PPP6R3: variants seen among roughly 807,000 people sequenced by gnomAD.
PPP6R3 encodes the protein protein phosphatase 6 regulatory subunit 3.
PPP6R3 carries 38 observed loss-of-function variants against 110.7 expected under a neutral mutation model. The ratio of observed to expected loss-of-function variants is 0.34; its 90% CI spans 0.26 to 0.45. PPP6R3 has a LOEUF of 0.45. Ranked by LOEUF, PPP6R3 falls within the 20% of genes least tolerant of loss-of-function variation. The pLI, the probability that PPP6R3 is intolerant of heterozygous loss-of-function variation, is 1.00. For synonymous variants in PPP6R3, 369 were observed against 373.5 expected (o/e 0.99, Z 0.14); for missense variants, 870 against 1,062.4 (o/e 0.82, Z 2.52).
At chr11:68,470,184 C>A (rs1328880043) in intron 1 of PPP6R3, among the ~76,000 whole-genome samples, 5 of 152,132 alleles carry the variant, frequency 3.3e-5, no homozygotes, top group African/African-American at 7.2e-5. Flanking sequence ...ATGAAAGATA[C>A]AGTAGCCATA....
chr11:68,611,583 C>T (rs1943418936), intron 23 of PPP6R3, among the ~76,000 whole-genome samples: 1 of 152,150 alleles, frequency 6.6e-6, no homozygotes, highest in African/African-American at 2.4e-5. Context: ...TTTCCTCTGA[C>T]ACACGTTTGT....
chr11:68,554,205 T>A lies in PPP6R3; in HGVS notation c.679T>A (p.Leu227Ile). ...EIVRLSRDQM[L>I]QIQNSTEPDP... ...TGTTCGCCTGAGCAGAGACCAGATG[T>A]TACAAATTCAGAACAGTACAGAGCC... Residue 227 changes from leucine to isoleucine, a missense_variant, in exon 7 of 24, where the codon TTA (leucine) becomes ATA (isoleucine). Leu to Ile is a conservative substitution (Grantham distance 5). Coordinates refer to ENST00000393800, the MANE Select transcript of PPP6R3 (RefSeq NM_001164161.2). The A allele has an allele frequency of 6.2e-7, 1 of 1,614,012 alleles. No individual in the cohort carries two copies. Among genetic ancestry groups the A allele is most frequent in the Non-Finnish European group, 8.5e-7 (1 of 1,179,930 alleles).
chr11:68,468,738 ATG>A (rs2098767094), intron 1 of PPP6R3, among the ~76,000 whole-genome samples: 1 of 152,238 alleles, frequency 6.6e-6, no homozygotes, highest in African/African-American at 2.4e-5. Context: ...TATGTTATAT[ATG>A]TTTTAATGTA....
intron 1 of PPP6R3, among the ~76,000 whole-genome samples, chr11:68,495,374 C>T (rs141148027): frequency 3.3e-5 from 5 of 152,204 alleles, no homozygotes; most frequent in Admixed American, 1.3e-4. Flanking sequence ...ACCCACTTAA[C>T]GCATACAAGT....
chr11:68,538,054 T>TTAA (rs397700502), intron 3 of PPP6R3, among the ~76,000 whole-genome samples, 163 bp downstream of exon 3: 16 of 23,842 alleles, frequency 6.7e-4, no homozygotes, highest in African/African-American at 1.3e-3. Context: ...ATTCTAGCAG[T>TTAA]AAGTCCAGGG....
At chr11:68,582,648 G>C (rs1040001461) in intron 14 of PPP6R3, among the ~76,000 whole-genome samples, 2 of 152,280 alleles carry the variant, frequency 1.3e-5, no homozygotes, top group African/African-American at 4.8e-5. Flanking sequence ...CCTGGGGATT[G>C]CAGTTGGACC....
intron 18 of PPP6R3, among the ~76,000 whole-genome samples, chr11:68,593,169 C>A (rs1477363035): frequency 6.6e-6 from 1 of 151,906 alleles, no homozygotes; most frequent in Non-Finnish European, 1.5e-5. Context: ...TTCTCATGAT[C>A]TTTTGTAATA....
intron 2 of PPP6R3, among the ~76,000 whole-genome samples, chr11:68,521,158 T>G (rs757020940): frequency 7.9e-5 from 12 of 152,224 alleles, no homozygotes; most frequent in Non-Finnish European, 1.5e-4. Context: ...CAAACCACCT[T>G]GGATTGTTCC....
intron 12 of PPP6R3, among the ~76,000 whole-genome samples, chr11:68,573,154 A>ATATATATATATATT (rs35361909): frequency 1.3e-5 from 1 of 74,332 alleles, no homozygotes; most frequent in Non-Finnish European, 2.7e-5. Context: ...ATATATATAT[A>ATATATATATATATT]ATTTTTTTTT....
At position 68,537,132 on chromosome 11, in the gene PPP6R3, T is replaced by C. The variant is rs1218761994; in HGVS notation, c.-6-527T>C. On this transcript the variant is annotated intron_variant, in intron 2 of 23. Coordinates refer to ENST00000393800, the MANE Select transcript of PPP6R3 (RefSeq NM_001164161.2). ...GTAAACAGAGGAGAATCAGTTTCTC[T>C]AACTCCTCAAGAATTAGTTTTCAGT... Among the ~76,000 whole-genome samples the C allele has an allele frequency of 2.6e-5, 4 of 152,208 alleles. No homozygotes were observed. In the East Asian group the frequency reaches 7.7e-4, roughly 29 times the overall value.
chr11:68,519,754 C>T (rs564260117), intron 2 of PPP6R3, 103 bp downstream of exon 2: 2 of 395,212 alleles, frequency 5.1e-6, no homozygotes, highest in African/African-American at 4.1e-5. Context: ...CAGGTGGAGA[C>T]CAGTCTCTCT....
intron 22 of PPP6R3, 126 bp from the exon 23 acceptor site, chr11:68,609,778 A>G: frequency 6.4e-7 from 1 of 1,553,250 alleles, no homozygotes; most frequent in Non-Finnish European, 8.9e-7. Flanking sequence ...GCGCATGCTC[A>G]GTCCCAGGAT....
At chr11:68,606,569 A>C (rs1490061214) in intron 22 of PPP6R3, among the ~76,000 whole-genome samples, 3 of 145,756 alleles carry the variant, frequency 2.1e-5, no homozygotes, top group Admixed American at 7.0e-5. Flanking sequence ...ACCTGCCTCC[A>C]CCTCCCAAAG....
chr11:68,568,914 G>A (rs1041370758), intron 10 of PPP6R3, among the ~76,000 whole-genome samples: 8 of 151,896 alleles, frequency 5.3e-5, no homozygotes, highest in African/African-American at 1.7e-4. Context: ...ACAGGCGCCC[G>A]CCACCACACC....
At chr11:68,525,843 AT>A in intron 2 of PPP6R3, among the ~76,000 whole-genome samples, 1 of 152,216 alleles carries the variant, frequency 6.6e-6, no homozygotes, top group Non-Finnish European at 1.5e-5. Context: ...TGAATAATAA[AT>A]GACCATTGTC....
intron 1 of PPP6R3, among the ~76,000 whole-genome samples, chr11:68,502,147 A>G (rs78873124): frequency 2.6e-5 from 4 of 152,232 alleles, no homozygotes; most frequent in African/African-American, 9.6e-5. Flanking sequence ...AATGCAGGCT[A>G]TGTATGTAAT....
intron 1 of PPP6R3, among the ~76,000 whole-genome samples, chr11:68,507,618 G>A (rs2153515317): frequency 6.6e-6 from 1 of 152,146 alleles, no homozygotes; most frequent in Non-Finnish European, 1.5e-5. Flanking sequence ...TTCAAACTTG[G>A]GTGCTTTAGA....
intron 1 of PPP6R3, among the ~76,000 whole-genome samples, chr11:68,478,169 C>T (rs1474268219): frequency 2.0e-5 from 3 of 151,966 alleles, no homozygotes; most frequent in East Asian, 1.9e-4. Context: ...AGGCTGGTCT[C>T]GAACTCCTGA....
At chr11:68,512,574 C>A (rs2099116144) in intron 1 of PPP6R3, among the ~76,000 whole-genome samples, 1 of 152,140 alleles carries the variant, frequency 6.6e-6, no homozygotes, top group Admixed American at 6.5e-5. Flanking sequence ...GGAACTATTA[C>A]CTTGTTATTG....
Sources: allele counts gnomAD v4.1 joint callset (sites outside exome capture counted in the v4.1 genomes callset), GRCh38; gene constraint gnomAD v4.1.1; transcripts MANE v1.5; gene names NCBI Gene and HGNC (gene_info 2026-07-23, HGNC 2026-07-21).